Variants in CSMD1 observed in about 807,000 individuals in gnomAD.
The protein encoded by CSMD1 is CUB and sushi domain-containing protein 1.
CSMD1 carries 213 observed loss-of-function variants against 417.5 expected under a neutral mutation model. That is an observed-to-expected ratio of 0.51 (90% CI 0.46 to 0.57). The LOEUF is 0.57. Ranked by LOEUF, CSMD1 falls within the 20% of genes least tolerant of loss-of-function variation. The pLI, the probability that CSMD1 is intolerant of heterozygous loss-of-function variation, is 0.00. For missense variants in CSMD1, 6,923 were observed against 4,529.7 expected, an observed-to-expected ratio of 1.53 and a Z score of -15.17; for synonymous variants, 2,862 against 1,736.8, an observed-to-expected ratio of 1.65 and a Z score of -16.11.
intron 12 of CSMD1, among the ~76,000 whole-genome samples, chr8:3,459,534 A>G (rs370761501): frequency 1.0e-3 from 156 of 152,274 alleles, no homozygotes; most frequent in African/African-American, 3.7e-3. Context: ...AGAGAACATG[A>G]TAAATGCAGG....
At chr8:3,425,193 G>C (rs751488318) in intron 12 of CSMD1, among the ~76,000 whole-genome samples, 5 of 152,164 alleles carry the variant, frequency 3.3e-5, no homozygotes, top group Non-Finnish European at 7.4e-5. Context: ...TCAGGAGTAT[G>C]TACGCATAGA....
chr8:4,747,433 T>C (rs577723557), intron 1 of CSMD1, among the ~76,000 whole-genome samples: 70 of 152,116 alleles, frequency 4.6e-4, no homozygotes, highest in Non-Finnish European at 2.8e-4. Context: ...TGTTAAAAGG[T>C]GGTACTTATG....
intron 23 of CSMD1, among the ~76,000 whole-genome samples, chr8:3,330,914 G>A (rs966928851): frequency 5.9e-5 from 9 of 152,052 alleles, no homozygotes; most frequent in African/African-American, 1.9e-4. Flanking sequence ...TTCTTACCAC[G>A]TATGAGAGAT....
intron 1 of CSMD1, among the ~76,000 whole-genome samples, chr8:4,645,596 A>T (rs1166248286): frequency 2.0e-5 from 3 of 152,084 alleles, no homozygotes; most frequent in Non-Finnish European, 4.4e-5. Context: ...CGGGATGACG[A>T]GGCTGCCCAT....
chr8:3,522,342 C>G (rs1236236990), intron 10 of CSMD1, among the ~76,000 whole-genome samples: 1 of 152,088 alleles, frequency 6.6e-6, no homozygotes, highest in African/African-American at 2.4e-5. Context: ...TATCTTTTGA[C>G]TTAACATTTA....
chr8:3,899,522 TAAGG>T (rs1807587392), intron 5 of CSMD1, among the ~76,000 whole-genome samples: 1 of 152,102 alleles, frequency 6.6e-6, no homozygotes, highest in Non-Finnish European at 1.5e-5. Flanking sequence ...GATGCTGTCA[TAAGG>T]AAGTGGAAAA....
intron 2 of CSMD1, among the ~76,000 whole-genome samples, chr8:4,546,953 C>A (rs143490920): frequency 4.9e-4 from 74 of 152,210 alleles, no homozygotes; most frequent in Non-Finnish European, 8.5e-4. Flanking sequence ...ACAGGATAGC[C>A]TCATTCACGT....
At chr8:3,316,663 C>T (rs558609034) in intron 23 of CSMD1, among the ~76,000 whole-genome samples, 6 of 152,160 alleles carry the variant, frequency 3.9e-5, no homozygotes, top group Non-Finnish European at 8.8e-5. Flanking sequence ...TTTGTATATG[C>T]TGATGCTTCC....
rs111454145 is a variant in CSMD1 at position 4,446,921 on chromosome 8, G to C, written c.303-26856C>G. 6.9e-3 allele frequency among the ~76,000 whole-genome samples: 1,023 copies of C among 149,144 alleles called. 16 individuals carry two copies. Among genetic ancestry groups the C allele is most frequent in the African/African-American group, 0.025 (978 of 39,666 alleles). ...CAGGCGTGAGCCATTGCGCCTGGCA[G>C]AGACCGTGTTTATTTAAAAAAAAAA... On this transcript the variant is annotated intron_variant, in intron 2 of 69. Transcript: ENST00000635120.
At chr8:3,535,603 G>T (rs1167383419) in intron 10 of CSMD1, among the ~76,000 whole-genome samples, 1 of 152,078 alleles carries the variant, frequency 6.6e-6, no homozygotes, top group East Asian at 1.9e-4. Context: ...ATAACTTAAT[G>T]GGTATAATGT....
intron 3 of CSMD1, among the ~76,000 whole-genome samples, chr8:4,162,519 G>T (rs546210382): frequency 7.2e-5 from 11 of 152,124 alleles, no homozygotes; most frequent in Non-Finnish European, 1.3e-4. Context: ...TAACTTGCCA[G>T]AATATTAAAT....
chr8:4,680,984 G>C (rs1333626414), intron 1 of CSMD1, among the ~76,000 whole-genome samples: 1 of 151,542 alleles, frequency 6.6e-6, no homozygotes, highest in East Asian at 2.0e-4. Context: ...GTGAGAGAGA[G>C]AGAGAGAGAG....
intron 3 of CSMD1, among the ~76,000 whole-genome samples, chr8:4,046,231 A>G (rs891808618): frequency 3.3e-5 from 5 of 152,150 alleles, no homozygotes; most frequent in African/African-American, 9.7e-5. Context: ...AACAATATAA[A>G]GGTCATGTGG....
chr8:3,641,686 G>A (rs1337211475), intron 7 of CSMD1, among the ~76,000 whole-genome samples: 1 of 152,136 alleles, frequency 6.6e-6, no homozygotes, highest in African/African-American at 2.4e-5. Context: ...CCCAACAGAG[G>A]GGGCCAGGAG....
At chr8:3,026,402 G>A (rs571412155) in intron 51 of CSMD1, among the ~76,000 whole-genome samples, 1 of 151,638 alleles carries the variant, frequency 6.6e-6, no homozygotes, top group Non-Finnish European at 1.5e-5. Context: ...CGGCCTCACT[G>A]GGCCTGACTG....
intron 15 of CSMD1, among the ~76,000 whole-genome samples, chr8:3,401,943 CA>C (rs1207660226): frequency 6.8e-6 from 1 of 147,328 alleles, no homozygotes; most frequent in Admixed American, 7.0e-5. Flanking sequence ...GTTTAGAAAG[CA>C]ATTTCTTCTT....
At position 3,511,199 on chromosome 8, in the gene CSMD1, GA is replaced by G. The variant is rs1047023864; in HGVS notation, c.1345-17474del. 4.0e-5 allele frequency among the ~76,000 whole-genome samples: 6 copies of G among 151,732 alleles called. 1 individual carries two copies. The highest frequency in any genetic ancestry group is 1.5e-4 in the African/African-American group (6 of 41,038). On this transcript the variant is annotated intron_variant, in intron 10 of 69. Transcript: ENST00000635120. Reference sequence around the variant, plus strand: ...GAACAATGAGGACACAAGGGCACAGGAAGGGGAATATCATACACCAGGGCCT... The same window carrying G: ...GAACAATGAGGACACAAGGGCACAGGAGGGGAATATCATACACCAGGGCCT...
rs1431750977 is a variant in CSMD1 at position 3,290,520 on chromosome 8, C to G, written c.3951-6174G>C. ...TTTCCTTGAGCAGTGGTTTGTAGTT[C>G]TCCTTGAAGAGGTCCTTCACATCCC... On this transcript the variant is annotated intron_variant, in intron 25 of 69. Coordinates refer to ENST00000635120, the MANE Select transcript of CSMD1 (RefSeq NM_033225.6). Among the ~76,000 whole-genome samples the G allele has an allele frequency of 1.4e-5, 2 of 144,594 alleles. 1 individual carries two copies. The highest frequency in any genetic ancestry group is 5.6e-5 in the African/African-American group (2 of 35,462). The allele number at this position is 144,594 out of a possible 152,430, so 94.9% of individuals were successfully genotyped here.
At position 3,819,328 on chromosome 8, in the gene CSMD1, C is replaced by G. The variant is rs369093904; in HGVS notation, c.819-65286G>C. On this transcript the variant is annotated intron_variant, in intron 5 of 69. Transcript: ENST00000635120. ...AAGCTATGAAGAGATGAGAGAGTGA[C>G]AGGTAGGAGATTCATGTCATTTCAT... Among the ~76,000 whole-genome samples, 7 of 152,262 alleles carry G rather than the reference C, an allele frequency of 4.6e-5. No homozygotes were observed. In the South Asian group the frequency reaches 1.5e-3, roughly 32 times the overall value.
Sources: allele counts gnomAD v4.1 joint callset (sites outside exome capture counted in the v4.1 genomes callset), GRCh38; gene constraint gnomAD v4.1.1; transcripts MANE v1.5; gene names NCBI Gene and HGNC (gene_info 2026-07-23, HGNC 2026-07-21).